The following MAP3K2 variants were observed in gnomAD, a reference collection of about 807,000 sequenced individuals.
MAP3K2 encodes mitogen-activated protein kinase kinase kinase 2, also known as MAP/ERK kinase kinase 2.
MAP3K2 carries 24 observed loss-of-function variants against 80.3 expected under a neutral mutation model. The ratio of observed to expected loss-of-function variants is 0.30; its 90% CI spans 0.22 to 0.42. The LOEUF is 0.42. Among genes scored for constraint, MAP3K2 ranks in the 10% least tolerant of loss-of-function variants. The pLI, the probability that MAP3K2 is intolerant of heterozygous loss-of-function variation, is 1.00. For synonymous variants in MAP3K2, 244 were observed against 253.7 expected (o/e 0.96, Z 0.36); for missense variants, 608 against 750.1 (o/e 0.81, Z 2.21).
chr2:127,370,899 GT>G (rs1333113710), intron 1 of MAP3K2, among the ~76,000 whole-genome samples: 1 of 152,242 alleles, frequency 6.6e-6, no homozygotes, highest in East Asian at 1.9e-4. Flanking sequence ...GGAAACGGAG[GT>G]TTTGCCTGAG....
intron 7 of MAP3K2, among the ~76,000 whole-genome samples, chr2:127,329,432 C>A (rs1248247784): frequency 6.6e-6 from 1 of 151,690 alleles, no homozygotes; most frequent in Non-Finnish European, 1.5e-5. Flanking sequence ...TCTCGGCTCA[C>A]TGCAACCTCC....
Position 127,322,125 on chromosome 2 carries a change from A to T in MAP3K2, c.966T>A (p.Asp322Glu). Residue 322 changes from aspartate (D) to glutamate (E), a missense_variant, in exon 12 of 17, where the codon GAT becomes GAA. This residue lies in a region of MAP3K2 where 467 missense variants were observed against 521.9 expected (regional missense o/e 0.89). Coordinates refer to ENST00000682094, the MANE Select transcript of MAP3K2 (RefSeq NM_001371910.2). This position sits in a 1 kb window ranked among gnomAD's most constrained non-coding sequence, Gnocchi z 4.2. ...SGSSIFTPEY[D>E]DSRIRRRGSD... Reference sequence around the variant, plus strand: ...TTCCCCTTCTTCTTATTCGACTATCATCATACTCTGGGGTAAAGATACTGC... The same window carrying T: ...TTCCCCTTCTTCTTATTCGACTATCTTCATACTCTGGGGTAAAGATACTGC... The T allele has an allele frequency of 6.2e-7, 1 of 1,613,868 alleles. No homozygotes were observed. Among genetic ancestry groups the T allele is most frequent in the Non-Finnish European group, 8.5e-7 (1 of 1,179,850 alleles).
rs891974042 is a variant in MAP3K2 at position 127,356,271 on chromosome 2, T to G, written c.-65-13077A>C. Among the ~76,000 whole-genome samples, 3 of 152,178 alleles carry G rather than the reference T, an allele frequency of 2.0e-5. No homozygotes were observed. In the South Asian group the frequency reaches 6.2e-4, roughly 32 times the overall value. Reference sequence around the variant, plus strand: ...CTTTCCAGAAGGTTTTCAATTTACTTTGATCCGATTGATCAGAACAATCTG... The same window carrying G: ...CTTTCCAGAAGGTTTTCAATTTACTGTGATCCGATTGATCAGAACAATCTG... On this transcript the variant is annotated intron_variant, in intron 1 of 16. Transcript: ENST00000682094.
At chr2:127,323,852 G>T in intron 11 of MAP3K2, 50 bp downstream of exon 11, 4 of 865,666 alleles carry the variant, frequency 4.6e-6, no homozygotes, top group South Asian at 2.1e-5. Flanking sequence ...ATTTATTTTT[G>T]TTGTTGAGAT....
At chr2:127,330,132 T>C (rs568824225) in intron 6 of MAP3K2, 124 bp from the exon 7 acceptor site, 6 of 629,522 alleles carry the variant, frequency 9.5e-6, no homozygotes, top group Non-Finnish European at 1.4e-5. Context: ...CCTCTACTCT[T>C]TGAAATTTTA....
intron 1 of MAP3K2, among the ~76,000 whole-genome samples, chr2:127,371,699 A>G (rs932883176): frequency 2.0e-5 from 3 of 152,192 alleles, no homozygotes; most frequent in Non-Finnish European, 4.4e-5. Context: ...AAGGCCTCCT[A>G]AAGTGAAAAG....
At chr2:127,327,629 C>T (rs185532803) in intron 7 of MAP3K2, among the ~76,000 whole-genome samples, 10 of 151,308 alleles carry the variant, frequency 6.6e-5, no homozygotes, top group African/African-American at 1.7e-4. Context: ...CACAGTAATG[C>T]GTATGCCAAC....
intron 1 of MAP3K2, among the ~76,000 whole-genome samples, chr2:127,348,311 A>G (rs907989570): frequency 6.6e-5 from 10 of 152,000 alleles, no homozygotes; most frequent in African/African-American, 2.4e-5. Flanking sequence ...TTGCTTGAAC[A>G]TGGGAGGCAG....
At chr2:127,337,898 C>A in intron 3 of MAP3K2, 120 bp from the exon 4 acceptor site, 1 of 557,068 alleles carries the variant, frequency 1.8e-6, no homozygotes, top group South Asian at 2.8e-5. Context: ...ATAGACCAGA[C>A]GAGGAGGGAA....
At chr2:127,381,819 T>A (rs1219432087) in intron 1 of MAP3K2, among the ~76,000 whole-genome samples, 1 of 151,760 alleles carries the variant, frequency 6.6e-6, no homozygotes, top group Non-Finnish European at 1.5e-5. Flanking sequence ...GGTATTCTTG[T>A]CCAAAATGTT....
chr2:127,340,875 C>T (rs1227381073), intron 2 of MAP3K2, among the ~76,000 whole-genome samples: 1 of 151,962 alleles, frequency 6.6e-6, no homozygotes, highest in Non-Finnish European at 1.5e-5. Flanking sequence ...GAAACCTAAA[C>T]ATTTGAATTT....
At chr2:127,329,563 G>A (rs759941310) in intron 7 of MAP3K2, among the ~76,000 whole-genome samples, 1 of 152,086 alleles carries the variant, frequency 6.6e-6, no homozygotes, top group Non-Finnish European at 1.5e-5. Context: ...CACCATGTTG[G>A]CTAGGATGGT....
At position 127,307,931 on chromosome 2, in the gene MAP3K2, T is replaced by G. The variant is rs1311061107; in HGVS notation, c.1635-127A>C. On this transcript the variant is annotated intron_variant, in intron 16 of 16. Transcript: ENST00000682094. This position sits in a 1 kb window ranked among gnomAD's most constrained non-coding sequence, Gnocchi z 5.4. ...ATATGACTTAATTTCAAGTTCAAAG[T>G]TTCATTAAAAAGTTCTAATTTCGTA... 3 of 612,768 alleles carry G rather than the reference T, an allele frequency of 4.9e-6. No homozygotes were observed. Among genetic ancestry groups the G allele is most frequent in the Non-Finnish European group, 8.1e-6 (3 of 371,614 alleles). 38.0% of individuals were successfully genotyped at this position (612,768 alleles called of 1,614,324 possible).
chr2:127,322,123 T>G lies in MAP3K2; in HGVS notation c.968A>C (p.Asp323Ala). Residue 323 changes from aspartate (D) to alanine (A), a missense_variant, in exon 12 of 17, where the codon GAT (aspartate) becomes GCT (alanine). This residue lies in a region of MAP3K2 where 467 missense variants were observed against 521.9 expected (regional missense o/e 0.89). Coordinates refer to ENST00000682094, the MANE Select transcript of MAP3K2 (RefSeq NM_001371910.2). The surrounding 1 kb of genome is among the most constrained non-coding windows in gnomAD (Gnocchi z 4.2). Reference protein sequence around the residue: ...GSSIFTPEYDDSRIRRRGSDI... With the variant: ...GSSIFTPEYDASRIRRRGSDI... ...ACTTCCCCTTCTTCTTATTCGACTATCATCATACTCTGGGGTAAAGATACT... is the reference window on the plus strand; with the variant it reads ...ACTTCCCCTTCTTCTTATTCGACTAGCATCATACTCTGGGGTAAAGATACT... 1 of 1,613,864 alleles carries G rather than the reference T, an allele frequency of 6.2e-7. No homozygotes were observed. Among genetic ancestry groups the G allele is most frequent in the Non-Finnish European group, 8.5e-7 (1 of 1,179,822 alleles).
intron 1 of MAP3K2, 75 bp downstream of exon 1, chr2:127,387,377 C>A: frequency 1.4e-6 from 1 of 726,960 alleles, no homozygotes; most frequent in Non-Finnish European, 1.7e-6. Flanking sequence ...GCCCAGCCCG[C>A]GGCCCCCGAC....
chr2:127,333,916 T>C (rs942962729), intron 5 of MAP3K2, among the ~76,000 whole-genome samples: 2 of 152,088 alleles, frequency 1.3e-5, no homozygotes, highest in African/African-American at 2.4e-5. Context: ...CTGGGCAACA[T>C]GGTGAAACCC....
chr2:127,384,149 C>T (rs1687302200), intron 1 of MAP3K2, among the ~76,000 whole-genome samples: 1 of 151,314 alleles, frequency 6.6e-6, no homozygotes, highest in Non-Finnish European at 1.5e-5. Flanking sequence ...CCCGCCTCGG[C>T]CTCCCAAAGT....
In MAP3K2 at chr2:127,302,908, G is replaced by A. The variant is rs1392261754; in HGVS notation, c.*4671C>T. Reference sequence around the variant, plus strand: ...TTTATTTATTTATTTTTTTAAAAAGGAGGTAGAAAAGGGTAGGAGGAGGCA... The same window carrying A: ...TTTATTTATTTATTTTTTTAAAAAGAAGGTAGAAAAGGGTAGGAGGAGGCA... On this transcript the variant is annotated 3_prime_UTR_variant, in exon 17 of 17. Transcript: ENST00000682094. The A allele has an allele frequency of 6.6e-6, 1 of 151,876 alleles. No homozygotes were observed. The highest frequency in any genetic ancestry group is 1.9e-4 in the East Asian group (1 of 5,196). 9.4% of individuals were successfully genotyped at this position (151,876 alleles called of 1,614,324 possible).
intron 1 of MAP3K2, among the ~76,000 whole-genome samples, chr2:127,368,823 T>G (rs1017062815): frequency 6.6e-6 from 1 of 152,094 alleles, no homozygotes; most frequent in African/African-American, 2.4e-5. Flanking sequence ...GTTGCCCAGG[T>G]TGGCCTCGAC....
Sources: allele counts gnomAD v4.1 joint callset (sites outside exome capture counted in the v4.1 genomes callset), GRCh38; gene constraint gnomAD v4.1.1; regional missense constraint gnomAD v4.1.1; non-coding constraint Gnocchi (gnomAD v3.1); transcripts MANE v1.5; gene names NCBI Gene and HGNC (gene_info 2026-07-23, HGNC 2026-07-21).